Variants in SLC8A1 observed in about 807,000 individuals in gnomAD.
SLC8A1 encodes sodium/calcium exchanger 1.
A neutral mutation model predicts 68.3 loss-of-function variants in SLC8A1; 18 were observed. That is an observed-to-expected ratio of 0.26 (90% CI 0.18 to 0.39). The LOEUF (loss-of-function observed/expected upper bound fraction) is 0.39, where lower values mean the gene tolerates loss of function less well. Among genes scored for constraint, SLC8A1 ranks in the 10% least tolerant of loss-of-function variants. The pLI, the probability that SLC8A1 is intolerant of heterozygous loss-of-function variation, is 1.00. For missense variants in SLC8A1, 985 were observed against 1,156.7 expected, an observed-to-expected ratio of 0.85 and a Z score of 2.15; for synonymous variants, 475 against 415.5, an observed-to-expected ratio of 1.14 and a Z score of -1.74.
At chr2:40,385,933 G>C (rs1683409359) in intron 2 of SLC8A1, among the ~76,000 whole-genome samples, 1 of 150,954 alleles carries the variant, frequency 6.6e-6, no homozygotes, top group Non-Finnish European at 1.5e-5. Flanking sequence ...TTGAGAGGTA[G>C]AAAGAACATT....
exon 2 of SLC8A1, chr2:40,429,399 T>C: frequency 6.2e-7 from 1 of 1,613,928 alleles, no homozygotes. Flanking sequence ...AATTGACCAC[T>C]TTCCCGTCCA....
At chr2:40,354,201 G>A (rs1378540768) in intron 2 of SLC8A1, among the ~76,000 whole-genome samples, 3 of 152,176 alleles carry the variant, frequency 2.0e-5, no homozygotes, top group African/African-American at 7.2e-5. Context: ...TTGCAATGAA[G>A]TATGATTTTA....
intron 1 of SLC8A1, among the ~76,000 whole-genome samples, chr2:40,510,012 G>C (rs113838364): frequency 0.033 from 5,074 of 152,104 alleles, 115 homozygotes; most frequent in Middle Eastern, 0.065. Context: ...ATTTTTAGTA[G>C]AGACCGGGTT....
chr2:40,149,721 C>G (rs555383113), intron 6 of SLC8A1, among the ~76,000 whole-genome samples: 2 of 152,118 alleles, frequency 1.3e-5, no homozygotes, highest in African/African-American at 4.8e-5. Flanking sequence ...AGCTACTGCA[C>G]GAGGCTGCTG....
intron 1 of SLC8A1, among the ~76,000 whole-genome samples, chr2:40,470,544 T>C (rs987795621): frequency 9.9e-5 from 15 of 151,984 alleles, no homozygotes; most frequent in African/African-American, 3.6e-4. Flanking sequence ...TTGATTAATA[T>C]AGACCTATAT....
At chr2:40,246,735 T>G (rs755091876) in intron 2 of SLC8A1, among the ~76,000 whole-genome samples, 2 of 152,256 alleles carry the variant, frequency 1.3e-5, no homozygotes, top group Non-Finnish European at 2.9e-5. Context: ...AGACTCAGGC[T>G]GTTCATGGGA....
intron 2 of SLC8A1, among the ~76,000 whole-genome samples, chr2:40,272,693 C>T (rs1329791940): frequency 6.6e-6 from 1 of 152,198 alleles, no homozygotes; most frequent in Non-Finnish European, 1.5e-5. Context: ...GTGCATCAGG[C>T]AATGCCCTTT....
chr2:40,328,341 C>A (rs998153032), intron 2 of SLC8A1, among the ~76,000 whole-genome samples: 1 of 152,140 alleles, frequency 6.6e-6, no homozygotes, highest in Non-Finnish European at 1.5e-5. Context: ...TTCCCCCGTT[C>A]CATTTGATGT....
chr2:40,232,764 A>T, intron 2 of SLC8A1, among the ~76,000 whole-genome samples: 1 of 94,460 alleles, frequency 1.1e-5, no homozygotes, highest in Non-Finnish European at 2.2e-5. Flanking sequence ...CCACCCCACA[A>T]CAGTCCCCAG....
chr2:40,341,874 G>C (rs1001045969), intron 2 of SLC8A1, among the ~76,000 whole-genome samples: 14 of 152,140 alleles, frequency 9.2e-5, no homozygotes, highest in African/African-American at 3.1e-4. Flanking sequence ...ACTTGAAGTA[G>C]ATTTACCTTT....
intron 1 of SLC8A1, among the ~76,000 whole-genome samples, chr2:40,475,797 G>T (rs1195093606): frequency 6.6e-6 from 1 of 151,684 alleles, no homozygotes; most frequent in South Asian, 2.1e-4. Context: ...TGACTGGCTA[G>T]GAAAAAAAAT....
chr2:40,299,061 C>G (rs922785500), intron 2 of SLC8A1, among the ~76,000 whole-genome samples: 1 of 150,504 alleles, frequency 6.6e-6, no homozygotes, highest in Non-Finnish European at 1.5e-5. Flanking sequence ...GTTCCAGGCT[C>G]CTGATTCTCA....
chr2:40,367,103 A>C (rs893408870), intron 2 of SLC8A1, among the ~76,000 whole-genome samples: 2 of 151,966 alleles, frequency 1.3e-5, no homozygotes. Context: ...AAAGAGTCAT[A>C]AGATCTTCCT....
At chr2:40,261,232 C>T (rs1307136060) in intron 2 of SLC8A1, among the ~76,000 whole-genome samples, 2 of 152,172 alleles carry the variant, frequency 1.3e-5, no homozygotes, top group Admixed American at 6.5e-5. Flanking sequence ...CCTGTGGAGT[C>T]TCTTCCATAA....
intron 2 of SLC8A1, among the ~76,000 whole-genome samples, chr2:40,334,567 T>C (rs563899348): frequency 1.2e-4 from 18 of 152,306 alleles, no homozygotes; most frequent in Admixed American, 1.1e-3. Flanking sequence ...TCTGTGATTC[T>C]ACCCTGGAGA....
chr2:40,191,919 G>C (rs926528838), intron 2 of SLC8A1, among the ~76,000 whole-genome samples: 1 of 152,098 alleles, frequency 6.6e-6, no homozygotes, highest in Admixed American at 6.6e-5. Context: ...GGAAGTCTGT[G>C]CTTTTGTTCA....
At chr2:40,385,845 T>A (rs1172319593) in intron 2 of SLC8A1, among the ~76,000 whole-genome samples, 1 of 151,306 alleles carries the variant, frequency 6.6e-6, no homozygotes, top group East Asian at 1.9e-4. Context: ...CTGGAAATTA[T>A]AAAATGTCCA....
chr2:40,240,820 G>A (rs1395261907), intron 2 of SLC8A1, among the ~76,000 whole-genome samples: 1 of 152,204 alleles, frequency 6.6e-6, no homozygotes, highest in African/African-American at 2.4e-5. Context: ...CAAGGCTGCA[G>A]TGAACCATGA....
chr2:40,349,975 T>C (rs1212026333), intron 2 of SLC8A1, among the ~76,000 whole-genome samples: 2 of 152,160 alleles, frequency 1.3e-5, no homozygotes, highest in Non-Finnish European at 1.5e-5. Context: ...AAGTATTCAT[T>C]TCCAGAGATG....
Sources: allele counts gnomAD v4.1 joint callset (sites outside exome capture counted in the v4.1 genomes callset), GRCh38; gene constraint gnomAD v4.1.1; transcripts MANE v1.5; gene names NCBI Gene and HGNC (gene_info 2026-07-23, HGNC 2026-07-21).